RIN2: variants seen among roughly 807,000 people sequenced by gnomAD.
RIN2 encodes the protein RAB5 interacting protein 2.
In RIN2, 36 loss-of-function variants were observed where a neutral mutation model predicts 78.0. The ratio of observed to expected loss-of-function variants is 0.46; its 90% CI spans 0.35 to 0.61. The LOEUF (loss-of-function observed/expected upper bound fraction) is 0.61, where lower values mean the gene tolerates loss of function less well. RIN2 is among the 20% of genes least tolerant of loss of function. The pLI, the probability that RIN2 is intolerant of heterozygous loss-of-function variation, is 0.00. For missense variants in RIN2, 1,087 were observed against 1,159.7 expected (o/e 0.94, Z 0.91); for synonymous variants, 466 against 466.8 (o/e 1.00, Z 0.02).
At chr20:19,870,863 C>T (rs1464308799) in intron 2 of RIN2, among the ~76,000 whole-genome samples, 1 of 152,156 alleles carries the variant, frequency 6.6e-6, no homozygotes, top group Non-Finnish European at 1.5e-5. Flanking sequence ...TCTGGAGGAA[C>T]ACAGCATCTG....
At chr20:19,868,387 AC>A (rs2037574773) in intron 2 of RIN2, among the ~76,000 whole-genome samples, 1 of 152,254 alleles carries the variant, frequency 6.6e-6, no homozygotes, top group Non-Finnish European at 1.5e-5. Context: ...GCAGTAAAAT[AC>A]CCAAAGGAAT....
chr20:19,789,342 G>A (rs367800113), intron 1 of RIN2, among the ~76,000 whole-genome samples: 1 of 152,118 alleles, frequency 6.6e-6, no homozygotes, highest in African/African-American at 2.4e-5. Context: ...AAATATCTTC[G>A]TGAACTTGGG....
Position 19,873,467 on chromosome 20 carries a change from G to C in RIN2, c.-36-16099G>C, listed in dbSNP as rs1429644918. Reference sequence around the variant, plus strand: ...CTGGAAAGGACCAGATAACATTTTAGGGTTTGCAGGCCACGTAGTCTCTGT... The same window carrying C: ...CTGGAAAGGACCAGATAACATTTTACGGTTTGCAGGCCACGTAGTCTCTGT... On this transcript the variant is annotated intron_variant, in intron 2 of 12. Transcript: ENST00000255006. 2.0e-5 allele frequency among the ~76,000 whole-genome samples: 3 copies of C among 152,188 alleles called. No homozygotes were observed. The East Asian group carries it at 5.8e-4, about 29-fold the overall frequency.
intron 6 of RIN2, among the ~76,000 whole-genome samples, chr20:19,963,238 G>A (rs987724394): frequency 2.6e-5 from 4 of 152,112 alleles, no homozygotes; most frequent in East Asian, 1.9e-4. Context: ...GTTTCTGTGT[G>A]TCTGTGTGTG....
intron 1 of RIN2, among the ~76,000 whole-genome samples, chr20:19,790,829 C>T (rs183171201): frequency 1.2e-4 from 18 of 152,292 alleles, no homozygotes; most frequent in Admixed American, 3.9e-4. Flanking sequence ...TTCACCCCAA[C>T]TCTGAGATGG....
chr20:19,975,096 T>C lies in RIN2; in HGVS notation c.1071T>C (p.Pro357=), dbSNP rs1217014788. The C allele has an allele frequency of 6.2e-7, 1 of 1,613,372 alleles. No homozygotes were observed. ...CTGGAACGAAACCAACTCCCATCCCTCCACCCCGGCTGAAGAAGCAGGCTT... is the reference window on the plus strand; with the variant it reads ...CTGGAACGAAACCAACTCCCATCCCCCCACCCCGGCTGAAGAAGCAGGCTT... ...ALPGTKPTPI[P]PPRLKKQASF... The change falls in exon 9 of 13, where the codon CCT becomes CCC. Residue 357 remains proline (P), a synonymous_variant. Coordinates refer to ENST00000255006, the MANE Select transcript of RIN2 (RefSeq NM_018993.4). This position sits in a 1 kb window ranked among gnomAD's most constrained non-coding sequence, Gnocchi z 4.9.
chr20:19,854,390 A>C (rs1243735820), intron 2 of RIN2, among the ~76,000 whole-genome samples: 2 of 152,230 alleles, frequency 1.3e-5, no homozygotes, highest in African/African-American at 4.8e-5. Flanking sequence ...TATGAACTTT[A>C]AAGTAGTTTT....
rs2038343001 is a variant in RIN2, at chr20:19,889,467, G to GA, written c.-36-94dup. On this transcript the variant is annotated intron_variant, in intron 2 of 12. Transcript: ENST00000255006. Reference sequence around the variant, plus strand: ...AATAAATGGCACTGTGTTGTTGACGGAAAAAGATCTTGGCAGGACTGTTGT... The same window carrying GA: ...AATAAATGGCACTGTGTTGTTGACGGAAAAAAGATCTTGGCAGGACTGTTGT... The GA allele has an allele frequency of 6.3e-6, 8 of 1,270,914 alleles. No homozygotes were observed. In the South Asian group the frequency reaches 1.0e-4, roughly 16 times the overall value. 78.7% of individuals were successfully genotyped at this position (1,270,914 alleles called of 1,614,324 possible). A position where few individuals can be genotyped will look rare whatever the true frequency, so the allele number is the denominator to read the frequency against.
chr20:19,781,109 G>C (rs1415498728), intron 1 of RIN2, among the ~76,000 whole-genome samples: 1 of 152,132 alleles, frequency 6.6e-6, no homozygotes. Flanking sequence ...TAGTTTACAA[G>C]GCTATTGCAG....
chr20:19,782,720 A>G (rs1005377642), intron 1 of RIN2, among the ~76,000 whole-genome samples: 4 of 152,074 alleles, frequency 2.6e-5, no homozygotes, highest in African/African-American at 4.8e-5. Context: ...CCTTCCTCCT[A>G]CTTGGCATGA....
At chr20:19,998,631 G>C (rs1402645790) in intron 12 of RIN2, among the ~76,000 whole-genome samples, 1 of 152,012 alleles carries the variant, frequency 6.6e-6, no homozygotes, top group African/African-American at 2.4e-5. Flanking sequence ...AAACAAAAAG[G>C]CAAGCCCATC....
At chr20:19,878,643 G>A (rs1213461021) in intron 2 of RIN2, among the ~76,000 whole-genome samples, 1 of 151,914 alleles carries the variant, frequency 6.6e-6, no homozygotes, top group Non-Finnish European at 1.5e-5. Flanking sequence ...ACTTCCATCT[G>A]TCCTCTTGCC....
intron 2 of RIN2, among the ~76,000 whole-genome samples, chr20:19,852,380 C>T (rs1353562320): frequency 6.6e-6 from 1 of 152,214 alleles, no homozygotes; most frequent in Admixed American, 6.5e-5. Context: ...TATTGATCTG[C>T]AGCTAGAAAT....
chr20:19,883,740 G>A (rs771655982), intron 2 of RIN2, among the ~76,000 whole-genome samples: 2 of 152,080 alleles, frequency 1.3e-5, no homozygotes, highest in Non-Finnish European at 2.9e-5. Context: ...GGCTTCTGTG[G>A]TGTGGACAAG....
chr20:19,872,783 T>C (rs1270492411), intron 2 of RIN2, among the ~76,000 whole-genome samples: 2 of 152,168 alleles, frequency 1.3e-5, no homozygotes, highest in East Asian at 3.9e-4. Flanking sequence ...TACTGGACAT[T>C]GGAAACTACA....
rs975741580 is a variant in RIN2 at position 19,936,207 on chromosome 20, C to T, written c.158+1008C>T. On this transcript the variant is annotated intron_variant, in intron 4 of 12. Coordinates refer to ENST00000255006, the MANE Select transcript of RIN2 (RefSeq NM_018993.4). ...CCCTTAATTCTCTGTGCCTTCCTTT[C>T]CTTTCCTTCTCTACAAAACGATGGG... Among the ~76,000 whole-genome samples the T allele has an allele frequency of 2.6e-5, 4 of 152,230 alleles. No homozygotes were observed. The South Asian group carries it at 8.3e-4, about 32-fold the overall frequency.
At position 19,908,885 on chromosome 20, in the gene RIN2, A is replaced by G. The variant is rs974370706; in HGVS notation, c.57+19227A>G. On this transcript the variant is annotated intron_variant, in intron 3 of 12. Coordinates refer to ENST00000255006, the MANE Select transcript of RIN2 (RefSeq NM_018993.4). ...TTCAGTTTGTTTGTTTATCTTTGAG[A>G]TGGAGTTTTGCTCCTGTTGCCCAGG... Among the ~76,000 whole-genome samples the G allele has an allele frequency of 2.0e-5, 3 of 152,178 alleles. No homozygotes were observed. In the East Asian group the frequency reaches 5.8e-4, roughly 29 times the overall value.
chr20:19,849,121 TA>T (rs1294342658), intron 2 of RIN2, among the ~76,000 whole-genome samples: 1 of 152,000 alleles, frequency 6.6e-6, no homozygotes, highest in African/African-American at 2.4e-5. Context: ...ATCAAAAGCC[TA>T]AACTGTATTA....
intron 3 of RIN2, among the ~76,000 whole-genome samples, chr20:19,892,861 A>C (rs1488517180): frequency 1.3e-5 from 2 of 152,058 alleles, no homozygotes; most frequent in Non-Finnish European, 2.9e-5. Flanking sequence ...ATGGATTGTC[A>C]CCCAGTGGCC....
Sources: gnomAD v4.1 joint callset for allele counts (sites outside exome capture counted in the v4.1 genomes callset) on GRCh38, gnomAD v4.1.1 for gene constraint, Gnocchi (gnomAD v3.1) non-coding constraint, MANE v1.5 for transcripts, NCBI Gene and HGNC (gene_info 2026-07-23, HGNC 2026-07-21) for gene names.